The following NDUFAF6 variants were observed in gnomAD, a reference collection of about 807,000 sequenced individuals.
NDUFAF6 encodes the protein NADH:ubiquinone oxidoreductase complex assembly factor 6.
Under a neutral mutation model 40.8 loss-of-function variants are expected in NDUFAF6, and 45 were observed. That is an observed-to-expected ratio of 1.10 (90% CI 0.87 to 1.42). The LOEUF (loss-of-function observed/expected upper bound fraction) is 1.42. Ranked by LOEUF, NDUFAF6 falls within the 40% of genes most tolerant of loss-of-function variation. The probability of loss-of-function intolerance (pLI) is 0.00; values close to 1 mark genes in which losing one functional copy is unlikely to be tolerated. For missense variants in NDUFAF6, 435 were observed against 418.5 expected, an observed-to-expected ratio of 1.04 and a Z score of -0.34; for synonymous variants, 185 against 155.9, an observed-to-expected ratio of 1.19 and a Z score of -1.39.
At chr8:94,919,542 G>T (rs1004081108) in intron 1 of NDUFAF6, among the ~76,000 whole-genome samples, 2 of 152,118 alleles carry the variant, frequency 1.3e-5, no homozygotes, top group Non-Finnish European at 2.9e-5. Flanking sequence ...GATTTGCTCT[G>T]TCATTTTCAG....
rs111429738 is a variant in NDUFAF6 at position 95,086,662 on chromosome 8, C to T, written n.213+10910C>T. Among the ~76,000 whole-genome samples the T allele has an allele frequency of 3.3e-3, 493 of 150,080 alleles. 4 individuals carry two copies. The highest frequency in any genetic ancestry group is 0.011 in the African/African-American group (453 of 40,728). On this transcript the variant is annotated intron_variant and non_coding_transcript_variant, in intron 2 of 5. Coordinates refer to the NDUFAF6 transcript ENST00000523184. Reference sequence around the variant, plus strand: ...TGTTGCCCAGGCTGGAGTGCAGTGGCGCGATCTCCGCTCACTGCAAGCTCT... The same window carrying T: ...TGTTGCCCAGGCTGGAGTGCAGTGGTGCGATCTCCGCTCACTGCAAGCTCT...
chr8:94,981,502 C>T (rs1825439170), intron 2 of NDUFAF6, among the ~76,000 whole-genome samples: 1 of 152,192 alleles, frequency 6.6e-6, no homozygotes, highest in African/African-American at 2.4e-5. Flanking sequence ...CTATAGCCAT[C>T]TTACTTCCAT....
intron 2 of NDUFAF6, among the ~76,000 whole-genome samples, chr8:94,997,341 C>CAGAGAG (rs1469014187): frequency 6.3e-4 from 58 of 91,854 alleles, no homozygotes; most frequent in African/African-American, 2.0e-3. Context: ...CACACACACA[C>CAGAGAG]ACAGAGAGAG....
At chr8:94,920,691 C>T (rs1260741462) in intron 1 of NDUFAF6, among the ~76,000 whole-genome samples, 2 of 152,166 alleles carry the variant, frequency 1.3e-5, no homozygotes, top group African/African-American at 2.4e-5. Context: ...TTCAGGATGC[C>T]ACTCCAGAGC....
At chr8:95,057,033 T>C (rs1345353391) in intron 8 of NDUFAF6, among the ~76,000 whole-genome samples, 2 of 152,172 alleles carry the variant, frequency 1.3e-5, no homozygotes, top group Non-Finnish European at 2.9e-5. Context: ...CTAAAGAATC[T>C]ATAGTCATAA....
intron 2 of NDUFAF6, among the ~76,000 whole-genome samples, chr8:94,992,790 T>G (rs988186413): frequency 6.6e-6 from 1 of 152,226 alleles, no homozygotes; most frequent in Non-Finnish European, 1.5e-5. Flanking sequence ...TCCTTTACCA[T>G]CTTCTCTGGC....
At chr8:95,112,056 A>G (rs1810012036) in intron 4 of NDUFAF6, among the ~76,000 whole-genome samples, 1 of 152,200 alleles carries the variant, frequency 6.6e-6, no homozygotes, top group Admixed American at 6.5e-5. Flanking sequence ...TATGGCGGAC[A>G]GAATAATGGC....
intron 1 of NDUFAF6, chr8:94,930,249 TC>T: frequency 1.8e-6 from 1 of 550,486 alleles, no homozygotes. Context: ...TTGATATGTT[TC>T]CAGAAATAAT....
At chr8:95,002,296 A>G (rs1219922111) in intron 2 of NDUFAF6, among the ~76,000 whole-genome samples, 1 of 152,124 alleles carries the variant, frequency 6.6e-6, no homozygotes, top group African/African-American at 2.4e-5. Context: ...TTCATTTTCT[A>G]TTCAGGCCAA....
At chr8:95,089,070 C>CT (rs1028659573) in intron 2 of NDUFAF6, among the ~76,000 whole-genome samples, 11 of 151,146 alleles carry the variant, frequency 7.3e-5, no homozygotes, top group Non-Finnish European at 1.3e-4. Flanking sequence ...CCTTGTTTTT[C>CT]TTTTTTTTGA....
chr8:94,988,170 T>C (rs1328712205), intron 2 of NDUFAF6, among the ~76,000 whole-genome samples: 3 of 152,238 alleles, frequency 2.0e-5, no homozygotes, highest in Non-Finnish European at 4.4e-5. Flanking sequence ...AATGCATTGC[T>C]TTGTCACCCA....
chr8:95,108,003 C>T (rs1023839866), downstream of NDUFAF6, among the ~76,000 whole-genome samples: 1 of 152,194 alleles, frequency 6.6e-6, no homozygotes, highest in African/African-American at 2.4e-5. Context: ...CATCGGCTGG[C>T]ACTTCACACC....
At chr8:95,060,870 A>G (rs938695337), downstream of NDUFAF6, among the ~76,000 whole-genome samples, 36 of 152,342 alleles carry the variant, frequency 2.4e-4, no homozygotes, top group African/African-American at 8.4e-4. Context: ...ATAAGTTCCA[A>G]CTACAAATTA....
chr8:94,976,980 A>G (rs1825003312), intron 1 of NDUFAF6, among the ~76,000 whole-genome samples: 2 of 151,866 alleles, frequency 1.3e-5, no homozygotes, highest in Non-Finnish European at 2.9e-5. Context: ...GCGAAACTCC[A>G]TCTCTACAAA....
chr8:94,905,042 A>G (rs959212120), intron 1 of NDUFAF6, among the ~76,000 whole-genome samples: 4 of 151,954 alleles, frequency 2.6e-5, no homozygotes, highest in African/African-American at 4.8e-5. Flanking sequence ...TCTACTAAAA[A>G]CATAACAATT....
intron 1 of NDUFAF6, among the ~76,000 whole-genome samples, chr8:94,962,019 G>C (rs1823618507): frequency 6.6e-6 from 1 of 152,156 alleles, no homozygotes; most frequent in South Asian, 2.1e-4. Context: ...TTTGTCCTTT[G>C]CCTTCCCCCT....
intron 4 of NDUFAF6, among the ~76,000 whole-genome samples, chr8:95,114,002 G>T (rs970674803): frequency 7.2e-6 from 1 of 138,314 alleles, no homozygotes; most frequent in African/African-American, 2.8e-5. Context: ...TCTGGGGACT[G>T]TTGTGGGATG....
chr8:95,041,782 C>T (rs1191154510), intron 4 of NDUFAF6, among the ~76,000 whole-genome samples, 156 bp downstream of exon 4: 1 of 152,174 alleles, frequency 6.6e-6, no homozygotes, highest in Non-Finnish European at 1.5e-5. Flanking sequence ...CCCTTGCATG[C>T]TACCCCCCAT....
chr8:95,029,801 C>T (rs541024526), intron 1 of NDUFAF6, among the ~76,000 whole-genome samples: 2 of 152,306 alleles, frequency 1.3e-5, no homozygotes, highest in African/African-American at 2.4e-5. Context: ...CAGCTTTTCT[C>T]TCCATATCAT....
Sources: gnomAD v4.1 joint callset for allele counts (sites outside exome capture counted in the v4.1 genomes callset) on GRCh38, gnomAD v4.1.1 for gene constraint, MANE v1.5 for transcripts, NCBI Gene and HGNC (gene_info 2026-07-23, HGNC 2026-07-21) for gene names.